The following NLGN4X variants were observed in gnomAD, a reference collection of about 807,000 sequenced individuals.
NLGN4X encodes the protein neuroligin 4 X-linked.
In NLGN4X, 3 loss-of-function variants were observed where a neutral mutation model predicts 40.3. The observed-to-expected ratio is 0.07, with a 90% confidence interval of 0.03 to 0.19. The LOEUF (loss-of-function observed/expected upper bound fraction) is 0.19, where lower values mean the gene tolerates loss of function less well. Ranked by LOEUF, NLGN4X falls within the 10% of genes least tolerant of loss-of-function variation. NLGN4X has a pLI of 1.00. For missense variants in NLGN4X, 382 were observed against 708.3 expected, an observed-to-expected ratio of 0.54 and a Z score of 5.23; for synonymous variants, 270 against 306.8, an observed-to-expected ratio of 0.88 and a Z score of 1.25.
At chrX:6,043,801 C>T (rs1452759424) in intron 2 of NLGN4X, among the ~76,000 whole-genome samples, 2 of 111,264 alleles carry the variant, frequency 1.8e-5, no homozygotes, top group Non-Finnish European at 3.8e-5. Flanking sequence ...GTAATAGAGG[C>T]TATAAAGGCA....
At chrX:6,168,836 AACTCACTGCAGCCTCG>A (rs2040549467) in intron 1 of NLGN4X, among the ~76,000 whole-genome samples, 1 of 111,421 alleles carries the variant, frequency 9.0e-6, no homozygotes, top group African/African-American at 3.3e-5. Flanking sequence ...GCAGGATCAC[AACTCACTGCAGCCTCG>A]ACCTTTTGGG....
At chrX:6,041,691 A>G (rs1021258876) in intron 2 of NLGN4X, among the ~76,000 whole-genome samples, 3 of 112,882 alleles carry the variant, frequency 2.7e-5, no homozygotes, top group African/African-American at 9.6e-5. Flanking sequence ...TAGCAACAAG[A>G]AAAAGGTGTT....
chrX:6,209,159 C>T (rs1200503689), intron 1 of NLGN4X, among the ~76,000 whole-genome samples: 3 of 111,624 alleles, frequency 2.7e-5, no homozygotes, highest in Non-Finnish European at 5.6e-5. Flanking sequence ...TGTCCTCACT[C>T]CTAAGTGGGA....
At position 6,044,752 on chromosome X, in the gene NLGN4X, G is replaced by A. The variant is rs1359845545; in HGVS notation, c.473-15320C>T. Among the ~76,000 whole-genome samples the A allele has an allele frequency of 2.6e-4, 29 of 111,737 alleles. No homozygotes were observed. The Admixed American group carries it at 2.8e-3, about 11-fold the overall frequency. Reference sequence around the variant, plus strand: ...GTGGAAAATAGGGAAGACCGTCCATGTATGGGGGCAGGGGATATATGAGAA... The same window carrying A: ...GTGGAAAATAGGGAAGACCGTCCATATATGGGGGCAGGGGATATATGAGAA... On this transcript the variant is annotated intron_variant, in intron 2 of 5. Coordinates refer to ENST00000381095, the MANE Select transcript of NLGN4X (RefSeq NM_181332.3).
At chrX:6,013,539 G>A (rs2036310243) in intron 3 of NLGN4X, among the ~76,000 whole-genome samples, 1 of 108,422 alleles carries the variant, frequency 9.2e-6, no homozygotes, top group African/African-American at 3.3e-5. Flanking sequence ...GGAGAGAGAG[G>A]TAGTATGAGC....
intron 2 of NLGN4X, among the ~76,000 whole-genome samples, chrX:6,040,477 TA>T (rs11335101): frequency 0.078 from 7,679 of 98,776 alleles, 567 homozygotes; most frequent in African/African-American, 0.24. Flanking sequence ...CTGCTTTTTT[TA>T]AAAAAAAAGG....
chrX:6,017,245 A>G (rs1309497611), intron 3 of NLGN4X, among the ~76,000 whole-genome samples: 1 of 112,130 alleles, frequency 8.9e-6, no homozygotes, highest in Non-Finnish European at 1.9e-5. Context: ...CAGAAGTGCC[A>G]GAGAAAATGC....
At chrX:6,038,889 C>T (rs1333505223) in intron 2 of NLGN4X, among the ~76,000 whole-genome samples, 1 of 111,372 alleles carries the variant, frequency 9.0e-6, no homozygotes, top group Non-Finnish European at 1.9e-5. Context: ...CATCTGGGGG[C>T]TGAGTACCTG....
At chrX:6,100,233 C>T (rs1247938306) in intron 2 of NLGN4X, among the ~76,000 whole-genome samples, 3 of 112,277 alleles carry the variant, frequency 2.7e-5, no homozygotes, top group Admixed American at 1.9e-4. Flanking sequence ...GTGTTCCTTG[C>T]CCTCATTCTG....
intron 1 of NLGN4X, among the ~76,000 whole-genome samples, chrX:6,217,321 T>C (rs1005079408): frequency 8.9e-6 from 1 of 112,319 alleles, no homozygotes. Flanking sequence ...CTAGATTAAA[T>C]GCCTAAATAC....
chrX:6,025,324 T>A (rs750421832), intron 3 of NLGN4X, among the ~76,000 whole-genome samples: 2 of 111,967 alleles, frequency 1.8e-5, no homozygotes, highest in Non-Finnish European at 3.8e-5. Context: ...GATTATTTTT[T>A]AAAAAATAGC....
At chrX:6,184,249 A>G (rs1016038243) in intron 1 of NLGN4X, among the ~76,000 whole-genome samples, 1 of 112,168 alleles carries the variant, frequency 8.9e-6, no homozygotes, top group Admixed American at 9.5e-5. Flanking sequence ...ATATCACTGG[A>G]CACAGTGTGC....
At position 6,143,158 on chromosome X, in the gene NLGN4X, T is replaced by A. The variant is rs1602309532; in HGVS notation, c.472+7837A>T. ...CAGGGTGCTTGTACGTGCTGGCTAC[T>A]AAGCACTTTATATGGATTAAAACCT... On this transcript the variant is annotated intron_variant, in intron 2 of 5. Transcript: ENST00000381095. Among the ~76,000 whole-genome samples the A allele has an allele frequency of 2.7e-5, 3 of 112,476 alleles. No homozygotes were observed. In the South Asian group the frequency reaches 1.1e-3, roughly 41 times the overall value.
intron 2 of NLGN4X, among the ~76,000 whole-genome samples, chrX:6,122,766 G>A (rs980253522): frequency 1.0e-4 from 11 of 107,825 alleles, no homozygotes; most frequent in African/African-American, 2.0e-4. Flanking sequence ...CAATGATAGC[G>A]ATATAAAGTT....
chrX:5,998,933 G>A (rs1333333126), intron 3 of NLGN4X, among the ~76,000 whole-genome samples: 2 of 112,413 alleles, frequency 1.8e-5, no homozygotes, highest in Admixed American at 9.4e-5. Flanking sequence ...AAATGCAAAT[G>A]CATGGATTGG....
chrX:5,935,579 C>A (rs760748148), intron 3 of NLGN4X, among the ~76,000 whole-genome samples: 1 of 111,727 alleles, frequency 9.0e-6, no homozygotes, highest in East Asian at 2.8e-4. Flanking sequence ...AAAATATGGT[C>A]CAGTAAATAC....
chrX:6,210,239 C>G (rs1029217751), intron 1 of NLGN4X, among the ~76,000 whole-genome samples: 1 of 85,359 alleles, frequency 1.2e-5, no homozygotes, highest in Non-Finnish European at 2.2e-5. Flanking sequence ...CGTGTGCGCC[C>G]GTTTGTGTGT....
At chrX:5,925,787 G>A (rs1423782350) in intron 3 of NLGN4X, among the ~76,000 whole-genome samples, 2 of 94,550 alleles carry the variant, frequency 2.1e-5, no homozygotes, top group Non-Finnish European at 4.2e-5. Flanking sequence ...TATCTTAAGA[G>A]TGGTTGATAA....
At chrX:6,216,502 C>T (rs1925100799) in intron 1 of NLGN4X, among the ~76,000 whole-genome samples, 1 of 112,350 alleles carries the variant, frequency 8.9e-6, no homozygotes, top group Non-Finnish European at 1.9e-5. Flanking sequence ...GCCTCTGAGG[C>T]TCAGCCCCTC....
Sources: gnomAD v4.1 joint callset for allele counts (sites outside exome capture counted in the v4.1 genomes callset) on GRCh38, gnomAD v4.1.1 for gene constraint, MANE v1.5 for transcripts, NCBI Gene and HGNC (gene_info 2026-07-23, HGNC 2026-07-21) for gene names.